Variants in IGF1 observed in about 807,000 individuals in gnomAD.
The protein encoded by IGF1 is insulin-like growth factor 1.
A neutral mutation model predicts 13.8 loss-of-function variants in IGF1; 4 were observed. That is an observed-to-expected ratio of 0.29 (90% CI 0.14 to 0.66). The LOEUF is 0.66. Among genes scored for constraint, IGF1 ranks in the 30% least tolerant of loss-of-function variants. The pLI, the probability that IGF1 is intolerant of heterozygous loss-of-function variation, is 0.78. For synonymous variants in IGF1, 76 were observed against 72.6 expected (o/e 1.05, Z -0.23); for missense variants, 124 against 188.5 (o/e 0.66, Z 2.00).
intron 2 of IGF1, among the ~76,000 whole-genome samples, chr12:102,446,608 C>T (rs1425584499): frequency 2.0e-5 from 3 of 151,810 alleles, no homozygotes; most frequent in Non-Finnish European, 4.4e-5. Flanking sequence ...TTTGATTCTT[C>T]TCTCTTTTCT....
chr12:102,441,915 C>CTTCTTCTTCTTCTTCTTATTCTT (rs1555244052), intron 2 of IGF1, among the ~76,000 whole-genome samples: 1 of 122,140 alleles, frequency 8.2e-6, no homozygotes, highest in Admixed American at 8.8e-5. Flanking sequence ...TGCTTCTTCT[C>CTTCTTCTTCTTCTTCTTATTCTT]CTTCTTCTTC....
At chr12:102,416,605 G>C (rs1162966302) in intron 3 of IGF1, among the ~76,000 whole-genome samples, 1 of 152,156 alleles carries the variant, frequency 6.6e-6, no homozygotes, top group African/African-American at 2.4e-5. Context: ...TTCAAAATAA[G>C]GGGATTTCTG....
Position 102,419,629 on chromosome 12 carries a change from C to T in IGF1, c.282G>A (p.Glu94=). 2 of 1,613,752 alleles carry T rather than the reference C, an allele frequency of 1.2e-6. No individual in the cohort carries two copies. Among genetic ancestry groups the T allele is most frequent in the East Asian group, 2.2e-5 (1 of 44,880 alleles). ...TTAGATCACAGCTCCGGAAGCAGCA[C>T]TCATCCACGATGCCTGTCTGAGGCG... is the stretch of plus-strand genomic sequence containing the variant. ...RRAPQTGIVD[E]CCFRSCDLRR... The change falls in exon 3 of 4, where the codon GAG becomes GAA. Residue 94 remains glutamate (E), a synonymous_variant. Transcript: ENST00000337514.
chr12:102,412,348 C>G (rs1029829829), intron 3 of IGF1, among the ~76,000 whole-genome samples: 1 of 152,012 alleles, frequency 6.6e-6, no homozygotes, highest in East Asian at 1.9e-4. Context: ...AATAGTTCCC[C>G]CCAGCTCTGT....
chr12:102,402,703 T>C, intron 3 of IGF1, 137 bp from the exon 4 acceptor site: 2 of 713,754 alleles, frequency 2.8e-6, no homozygotes, highest in Admixed American at 1.9e-5. Flanking sequence ...TTGGTTTTCC[T>C]GAGAAGGGCA....
chr12:102,477,535 A>ATTTTT (rs371700453), intron 1 of IGF1, among the ~76,000 whole-genome samples: 2 of 140,616 alleles, frequency 1.4e-5, no homozygotes, highest in Non-Finnish European at 1.5e-5. Context: ...TCCAGTTCTC[A>ATTTTT]TTTTTTTTTT....
intron 2 of IGF1, among the ~76,000 whole-genome samples, chr12:102,464,334 T>C (rs916453965): frequency 2.0e-5 from 3 of 151,488 alleles, no homozygotes; most frequent in Admixed American, 6.6e-5. Flanking sequence ...ATCTTCAATC[T>C]CAGATCCAAA....
In IGF1 at chr12:102,419,828, A is replaced by T; in HGVS notation, c.221-138T>A. Reference sequence around the variant, plus strand: ...CTCAACCTCTTCTTGAAACTTCCCCAATGATTCCTGACCCCACGTATCTTT... The same window carrying T: ...CTCAACCTCTTCTTGAAACTTCCCCTATGATTCCTGACCCCACGTATCTTT... On this transcript the variant is annotated intron_variant, in intron 2 of 3. Transcript: ENST00000337514. 3 of 800,156 alleles carry T rather than the reference A, an allele frequency of 3.7e-6. No homozygotes were observed. The South Asian group carries it at 4.4e-5, about 12-fold the overall frequency. The allele number at this position is 800,156 out of a possible 1,614,324, so 49.6% of individuals were successfully genotyped here.
chr12:102,479,896 C>T (rs902541480), intron 1 of IGF1, among the ~76,000 whole-genome samples: 4 of 151,534 alleles, frequency 2.6e-5, no homozygotes, highest in African/African-American at 9.7e-5. Flanking sequence ...GTTACACACA[C>T]AGAGACACAT....
chr12:102,478,764 G>A (rs2137295893), intron 1 of IGF1: 1 of 689,432 alleles, frequency 1.5e-6, no homozygotes, highest in Non-Finnish European at 2.1e-6. Flanking sequence ...TCCATTGTAT[G>A]CCTATTGTAG....
Position 102,434,153 on chromosome 12 carries a change from T to C in IGF1, c.221-14463A>G, listed in dbSNP as rs1876997220. ...TCAAAAGTACAGTCATCTCTTTTTT[T>C]TTTTTTTTATTATACTTTAAGTTTT... On this transcript the variant is annotated intron_variant, in intron 2 of 3. Transcript: ENST00000337514. Among the ~76,000 whole-genome samples, 40 of 152,174 alleles carry C rather than the reference T, an allele frequency of 2.6e-4. No individual in the cohort carries two copies. The South Asian group carries it at 8.3e-3, about 32-fold the overall frequency.
intron 2 of IGF1, among the ~76,000 whole-genome samples, chr12:102,457,491 C>T (rs1395110186): frequency 6.6e-6 from 1 of 152,126 alleles, no homozygotes; most frequent in African/African-American, 2.4e-5. Context: ...AAAGTCAAAG[C>T]GGCTTGTTTG....
chr12:102,471,759 T>C (rs754634363), intron 2 of IGF1, among the ~76,000 whole-genome samples: 2 of 152,192 alleles, frequency 1.3e-5, no homozygotes, highest in Non-Finnish European at 2.9e-5. Context: ...TTATAGACTC[T>C]TAAAACTTAA....
At chr12:102,477,770 T>C (rs1881152213) in intron 1 of IGF1, among the ~76,000 whole-genome samples, 1 of 152,144 alleles carries the variant, frequency 6.6e-6, no homozygotes, top group Admixed American at 6.5e-5. Flanking sequence ...TTCATAGCAA[T>C]GCTGAAGGCT....
At chr12:102,436,508 CTAGGGT>C (rs1877232207) in intron 2 of IGF1, among the ~76,000 whole-genome samples, 8 of 152,082 alleles carry the variant, frequency 5.3e-5, no homozygotes, top group African/African-American at 1.7e-4. Flanking sequence ...CTATAACCTC[CTAGGGT>C]AATGGAGAGA....
chr12:102,480,376 T>C lies in IGF1; in HGVS notation c.6A>G (p.Gly2=), dbSNP rs1881330089. 1 of 1,613,656 alleles carries C rather than the reference T, an allele frequency of 6.2e-7. No individual in the cohort carries two copies. Among genetic ancestry groups the C allele is most frequent in the Non-Finnish European group, 8.5e-7 (1 of 1,179,710 alleles). The change falls in exon 1 of 4, where the codon GGA becomes GGG. Residue 2 remains glycine, a synonymous_variant. Coordinates refer to ENST00000337514, the MANE Select transcript of IGF1 (RefSeq NM_000618.5). M[G]KISSLPTQLF... is the part of the protein sequence containing the mutation. ...ATTGGGTTGGAAGACTGCTGATTTTTCCCATTGCTTCTGAAGTACAAAGTC... is the reference window on the plus strand; with the variant it reads ...ATTGGGTTGGAAGACTGCTGATTTTCCCCATTGCTTCTGAAGTACAAAGTC...
At chr12:102,440,121 T>C (rs1877586568) in intron 2 of IGF1, among the ~76,000 whole-genome samples, 1 of 152,134 alleles carries the variant, frequency 6.6e-6, no homozygotes, top group African/African-American at 2.4e-5. Context: ...AGCATCCCCA[T>C]TCTACAGAAA....
intron 2 of IGF1, among the ~76,000 whole-genome samples, chr12:102,451,990 C>T (rs1878979313): frequency 2.0e-5 from 3 of 152,198 alleles, no homozygotes; most frequent in South Asian, 2.1e-4. Flanking sequence ...CGGCCGGGCG[C>T]GGTGGCTCAC....
At chr12:102,418,368 C>T (rs934957753) in intron 3 of IGF1, among the ~76,000 whole-genome samples, 4 of 152,234 alleles carry the variant, frequency 2.6e-5, no homozygotes, top group African/African-American at 4.8e-5. Flanking sequence ...GCCCAGTCCC[C>T]TTCCATCCTT....
Sources: gnomAD v4.1 joint callset for allele counts (sites outside exome capture counted in the v4.1 genomes callset) on GRCh38, gnomAD v4.1.1 for gene constraint, MANE v1.5 for transcripts, NCBI Gene and HGNC (gene_info 2026-07-23, HGNC 2026-07-21) for gene names.